The following CNTN5 variants were observed in gnomAD, a reference collection of about 807,000 sequenced individuals.
The protein encoded by CNTN5 is contactin-5.
A neutral mutation model predicts 129.1 loss-of-function variants in CNTN5; 77 were observed. The ratio of observed to expected loss-of-function variants is 0.60; its 90% CI spans 0.50 to 0.72. The LOEUF is 0.72. CNTN5 is among the 30% of genes least tolerant of loss of function. The probability of loss-of-function intolerance (pLI) is 0.00; values close to 1 mark genes in which losing one functional copy is unlikely to be tolerated. For missense variants in CNTN5, 1,478 were observed against 1,328.8 expected (o/e 1.11, Z -1.75); for synonymous variants, 509 against 465.6 (o/e 1.09, Z -1.20).
chr11:100,273,142 C>A (rs150960190), intron 18 of CNTN5, among the ~76,000 whole-genome samples: 2,093 of 152,198 alleles, frequency 0.014, 13 homozygotes, highest in Middle Eastern at 0.027. Context: ...CACCTGCTTG[C>A]AGGGCGCCCT....
At chr11:100,154,575 C>G (rs1947172939) in intron 13 of CNTN5, among the ~76,000 whole-genome samples, 1 of 152,110 alleles carries the variant, frequency 6.6e-6, no homozygotes, top group African/African-American at 2.4e-5. Context: ...ATTTCTGGTT[C>G]TCGATCCTTG....
chr11:99,255,381 G>T (rs942191289), intron 1 of CNTN5, among the ~76,000 whole-genome samples: 6 of 151,212 alleles, frequency 4.0e-5, no homozygotes, highest in Non-Finnish European at 5.9e-5. Flanking sequence ...AATTATTGTG[G>T]GTATTTGGAA....
At chr11:100,062,333 C>T (rs1943518954) in intron 10 of CNTN5, among the ~76,000 whole-genome samples, 1 of 152,142 alleles carries the variant, frequency 6.6e-6, no homozygotes, top group African/African-American at 2.4e-5. Context: ...TACAGGAACT[C>T]CTAAAGAGTA....
At chr11:99,714,218 G>A (rs1243153094) in intron 3 of CNTN5, among the ~76,000 whole-genome samples, 6 of 151,874 alleles carry the variant, frequency 4.0e-5, no homozygotes, top group Non-Finnish European at 8.8e-5. Context: ...CTTGGTATCA[G>A]TAGCTCTGTA....
intron 3 of CNTN5, among the ~76,000 whole-genome samples, chr11:99,615,500 C>T (rs887515456): frequency 3.9e-5 from 6 of 152,010 alleles, no homozygotes; most frequent in Admixed American, 2.0e-4. Flanking sequence ...TAGTGATATC[C>T]CTTCTTCTGA....
rs1277873926 is a variant in CNTN5, at chr11:100,185,149, C to T, written c.1581-5977C>T. On this transcript the variant is annotated intron_variant, in intron 13 of 24. Coordinates refer to ENST00000524871, the MANE Select transcript of CNTN5 (RefSeq NM_014361.4). Reference sequence around the variant, plus strand: ...TTCATAAATTACCCAGTCTCAGGTACGTCTTTATACCAGTGTGAAAATTGT... The same window carrying T: ...TTCATAAATTACCCAGTCTCAGGTATGTCTTTATACCAGTGTGAAAATTGT... Among the ~76,000 whole-genome samples the T allele has an allele frequency of 3.9e-5, 6 of 152,186 alleles. No homozygotes were observed. The East Asian group carries it at 7.7e-4, about 20-fold the overall frequency.
chr11:99,035,374 A>G (rs1267349317), intron 1 of CNTN5, among the ~76,000 whole-genome samples: 1 of 152,064 alleles, frequency 6.6e-6, no homozygotes, highest in East Asian at 1.9e-4. Context: ...GTGGGGTGTT[A>G]AAGTCTCCCA....
intron 1 of CNTN5, among the ~76,000 whole-genome samples, chr11:99,293,835 T>C (rs746352507): frequency 7.2e-5 from 11 of 152,072 alleles, no homozygotes; most frequent in Non-Finnish European, 1.3e-4. Context: ...TAAAGGTTTG[T>C]AAATTTTCCT....
At chr11:99,676,353 A>C (rs567610461) in intron 3 of CNTN5, among the ~76,000 whole-genome samples, 1 of 152,348 alleles carries the variant, frequency 6.6e-6, no homozygotes, top group African/African-American at 2.4e-5. Flanking sequence ...GTGGAGCAAT[A>C]GAGAAGGTAA....
chr11:99,907,735 T>C (rs1344797938), intron 6 of CNTN5, among the ~76,000 whole-genome samples: 1 of 151,992 alleles, frequency 6.6e-6, no homozygotes, highest in South Asian at 2.1e-4. Context: ...AATATTCATT[T>C]CAGCAACTTT....
intron 1 of CNTN5, among the ~76,000 whole-genome samples, chr11:99,215,745 G>A (rs1860082729): frequency 1.3e-5 from 2 of 152,118 alleles, no homozygotes; most frequent in South Asian, 4.1e-4. Flanking sequence ...TTCTTTATCA[G>A]TTTGCTCTAC....
At chr11:99,821,380 A>G (rs1196489630) in intron 4 of CNTN5, among the ~76,000 whole-genome samples, 2 of 152,214 alleles carry the variant, frequency 1.3e-5, no homozygotes, top group Non-Finnish European at 2.9e-5. Flanking sequence ...TTGTACACCT[A>G]CTGTGAGCTG....
chr11:99,430,443 A>G (rs1477296888), intron 2 of CNTN5, among the ~76,000 whole-genome samples: 5 of 150,008 alleles, frequency 3.3e-5, no homozygotes, highest in African/African-American at 1.2e-4. Context: ...AACTTTAAAT[A>G]TATTTATAAG....
intron 9 of CNTN5, among the ~76,000 whole-genome samples, chr11:100,034,238 A>G (rs1209796722): frequency 6.6e-6 from 1 of 152,222 alleles, no homozygotes; most frequent in East Asian, 1.9e-4. Flanking sequence ...AATTAATTCC[A>G]TGGATTATAA....
intron 1 of CNTN5, among the ~76,000 whole-genome samples, chr11:99,260,395 G>T (rs1862573221): frequency 6.6e-6 from 1 of 151,620 alleles, no homozygotes; most frequent in African/African-American, 2.4e-5. Context: ...AGAAAAAATG[G>T]AATTTTAAAA....
chr11:99,858,149 A>T (rs1392458392), intron 6 of CNTN5, among the ~76,000 whole-genome samples: 2 of 152,104 alleles, frequency 1.3e-5, no homozygotes, highest in African/African-American at 4.8e-5. Context: ...TAATAGGTGG[A>T]TGAATTTAGA....
intron 1 of CNTN5, among the ~76,000 whole-genome samples, chr11:99,259,312 A>G (rs1862523124): frequency 6.6e-6 from 1 of 151,774 alleles, no homozygotes; most frequent in Non-Finnish European, 1.5e-5. Context: ...CTAAAATCCT[A>G]TACCCATATA....
At chr11:99,549,091 C>CT (rs140123455) in intron 2 of CNTN5, among the ~76,000 whole-genome samples, 6,767 of 89,216 alleles carry the variant, frequency 0.076, 370 homozygotes, top group East Asian at 0.42. Flanking sequence ...GGTGTCAATT[C>CT]CTTTTTTTTT....
chr11:100,151,948 C>A (rs1947075100), intron 13 of CNTN5, among the ~76,000 whole-genome samples: 1 of 152,004 alleles, frequency 6.6e-6, no homozygotes, highest in African/African-American at 2.4e-5. Flanking sequence ...TTAATAATAT[C>A]TTTCAGACAG....
Sources: gnomAD v4.1 joint callset for allele counts (sites outside exome capture counted in the v4.1 genomes callset) on GRCh38, gnomAD v4.1.1 for gene constraint, MANE v1.5 for transcripts, NCBI Gene and HGNC (gene_info 2026-07-23, HGNC 2026-07-21) for gene names.